Variants in SLC2A9 observed in about 807,000 individuals in gnomAD.
The protein encoded by SLC2A9 is solute carrier family 2 member 9.
A neutral mutation model predicts 50.6 loss-of-function variants in SLC2A9; 39 were observed. The ratio of observed to expected loss-of-function variants is 0.77; its 90% CI spans 0.60 to 1.01. The LOEUF (loss-of-function observed/expected upper bound fraction) is 1.01, where lower values mean the gene tolerates loss of function less well. Among genes scored for constraint, SLC2A9 ranks in the 50% least tolerant of loss-of-function variants. The pLI, the probability that SLC2A9 is intolerant of heterozygous loss-of-function variation, is 0.00. For missense variants in SLC2A9, 686 were observed against 677.6 expected, an observed-to-expected ratio of 1.01 and a Z score of -0.14; for synonymous variants, 324 against 276.9, an observed-to-expected ratio of 1.17 and a Z score of -1.69.
chr4:9,835,290 C>T (rs1428176022), intron 10 of SLC2A9, among the ~76,000 whole-genome samples: 1 of 146,180 alleles, frequency 6.8e-6, no homozygotes, highest in African/African-American at 2.7e-5. Context: ...TACACATTTC[C>T]AAACTCACAT....
intron 5 of SLC2A9, among the ~76,000 whole-genome samples, chr4:9,959,603 G>A (rs1751921680): frequency 6.6e-6 from 1 of 152,182 alleles, no homozygotes; most frequent in South Asian, 2.1e-4. Context: ...GTGGGACGAT[G>A]GACCTCTGTG....
chr4:9,919,247 G>T (rs1470402416), intron 7 of SLC2A9, among the ~76,000 whole-genome samples: 1 of 152,174 alleles, frequency 6.6e-6, no homozygotes, highest in Non-Finnish European at 1.5e-5. Context: ...GGATCACTCA[G>T]TTAATGTAGG....
intron 8 of SLC2A9, among the ~76,000 whole-genome samples, chr4:9,907,945 C>T (rs549302187): frequency 6.6e-6 from 1 of 152,330 alleles, no homozygotes; most frequent in East Asian, 1.9e-4. Flanking sequence ...TAGGTTCCCA[C>T]ATTGCAGTGT....
intron 6 of SLC2A9, among the ~76,000 whole-genome samples, chr4:9,924,637 T>C (rs544204822): frequency 1.3e-5 from 2 of 152,232 alleles, no homozygotes; most frequent in South Asian, 4.2e-4. Flanking sequence ...GCTTCCTCAA[T>C]TGCATCCTCC....
At chr4:9,993,515 T>C (rs879903033) in intron 3 of SLC2A9, among the ~76,000 whole-genome samples, 3 of 152,168 alleles carry the variant, frequency 2.0e-5, no homozygotes, top group Admixed American at 6.5e-5. Context: ...CCCTCTGACA[T>C]GGCCATTCTT....
chr4:10,025,662 G>T, upstream of SLC2A9: 1 of 510,058 alleles, frequency 2.0e-6, no homozygotes, highest in East Asian at 3.2e-5. Context: ...GGAGACTTTT[G>T]CCCCAAGCCC....
intron 3 of SLC2A9, among the ~76,000 whole-genome samples, chr4:9,820,184 G>T (rs1185191166): frequency 6.6e-6 from 1 of 152,094 alleles, no homozygotes; most frequent in Non-Finnish European, 1.5e-5. Flanking sequence ...TGAGATATAG[G>T]TTGGAGTTTA....
chr4:10,039,354 C>T (rs1318513866), intron 1 of SLC2A9, among the ~76,000 whole-genome samples: 2 of 152,204 alleles, frequency 1.3e-5, no homozygotes, highest in African/African-American at 4.8e-5. Flanking sequence ...CTGTGCTCAA[C>T]AGCAGATAGT....
At chr4:9,968,763 T>C (rs1048945406) in intron 5 of SLC2A9, among the ~76,000 whole-genome samples, 5 of 152,208 alleles carry the variant, frequency 3.3e-5, no homozygotes, top group African/African-American at 1.2e-4. Flanking sequence ...AGGTTTTTCA[T>C]TGCCTTTTTA....
At chr4:9,827,560 A>G (rs1407364679) in intron 11 of SLC2A9, among the ~76,000 whole-genome samples, 5 of 152,356 alleles carry the variant, frequency 3.3e-5, no homozygotes, top group African/African-American at 7.2e-5. Context: ...GAGAATGGCA[A>G]AGTGCTTAAG....
intron 10 of SLC2A9, among the ~76,000 whole-genome samples, chr4:9,846,897 A>G (rs2109276262): frequency 6.6e-6 from 1 of 152,314 alleles, no homozygotes; most frequent in South Asian, 2.1e-4. Context: ...AAATCTCCAC[A>G]AGTGTGTCCA....
In SLC2A9 at chr4:9,985,647, C is replaced by T. The variant is rs1464428287; in HGVS notation, c.535+22G>A. The T allele has an allele frequency of 3.7e-6, 6 of 1,613,910 alleles. No homozygotes were observed. The Admixed American group carries it at 5.0e-5, about 13-fold the overall frequency. On this transcript the variant is annotated intron_variant, in intron 4 of 11. Transcript: ENST00000264784. ...CCCAAGGAGTATGTTACTGTTCCCTCCCCGTCATGGTGAACTCTCACCTCC... is the reference window on the plus strand; with the variant it reads ...CCCAAGGAGTATGTTACTGTTCCCTTCCCGTCATGGTGAACTCTCACCTCC...
At chr4:9,974,754 T>C (rs1754508420) in intron 5 of SLC2A9, among the ~76,000 whole-genome samples, 1 of 151,900 alleles carries the variant, frequency 6.6e-6, no homozygotes, top group African/African-American at 2.4e-5. Context: ...AAAAAAAAAT[T>C]CTAAAATTCA....
intron 8 of SLC2A9, among the ~76,000 whole-genome samples, chr4:9,896,071 G>C (rs768650514): frequency 1.3e-5 from 2 of 152,172 alleles, no homozygotes; most frequent in Non-Finnish European, 2.9e-5. Flanking sequence ...AAACCATTAT[G>C]ATTATTGAGT....
At chr4:10,021,842 CT>C (rs57844352), upstream of SLC2A9, among the ~76,000 whole-genome samples, 66,542 of 136,838 alleles carry the variant, frequency 0.49, 16,351 homozygotes, top group East Asian at 0.84. Flanking sequence ...GACTCTTCCA[CT>C]TTTTTTTTTT....
intron 3 of SLC2A9, among the ~76,000 whole-genome samples, chr4:9,808,127 C>T (rs998934179): frequency 4.6e-5 from 7 of 152,206 alleles, no homozygotes; most frequent in African/African-American, 1.4e-4. Context: ...AGGGCTGTCA[C>T]GGTGTCTTGG....
Position 9,879,098 on chromosome 4 carries a change from T to G in SLC2A9, c.1291+8469A>C, listed in dbSNP as rs1366950823. ...TTGGATACAGGTGATAGAAACAAGG[T>G]TCTTGTCTTTGAAGCAGTCCCTGAT... On this transcript the variant is annotated intron_variant, in intron 10 of 11. Coordinates refer to ENST00000264784, the MANE Select transcript of SLC2A9 (RefSeq NM_020041.3). 3 of 984,926 alleles carry G rather than the reference T, an allele frequency of 3.0e-6. No homozygotes were observed. The African/African-American group carries it at 5.3e-5, about 17-fold the overall frequency. 61.0% of individuals were successfully genotyped at this position (984,926 alleles called of 1,614,324 possible).
intron 5 of SLC2A9, among the ~76,000 whole-genome samples, chr4:9,973,057 TTAAAA>T (rs1175899673): frequency 1.3e-5 from 2 of 152,066 alleles, no homozygotes; most frequent in Non-Finnish European, 2.9e-5. Flanking sequence ...ACTAGCTAGA[TTAAAA>T]AAGAAAGAGA....
chr4:9,819,176 G>A (rs537746544), intron 3 of SLC2A9, among the ~76,000 whole-genome samples: 1 of 150,376 alleles, frequency 6.6e-6, no homozygotes, highest in Non-Finnish European at 1.5e-5. Context: ...CAGCTCAGGA[G>A]TTCAATATTA....
Sources: gnomAD v4.1 joint callset for allele counts (sites outside exome capture counted in the v4.1 genomes callset) on GRCh38, gnomAD v4.1.1 for gene constraint, MANE v1.5 for transcripts, NCBI Gene and HGNC (gene_info 2026-07-23, HGNC 2026-07-21) for gene names.